The following RBFOX1 variants were observed in gnomAD, a reference collection of about 807,000 sequenced individuals.
RBFOX1 encodes the protein RNA binding fox-1 homolog 1.
Under a neutral mutation model 57.7 loss-of-function variants are expected in RBFOX1, and 8 were observed. The observed-to-expected ratio is 0.14, with a 90% CI of 0.08 to 0.25. RBFOX1 has a LOEUF of 0.25. RBFOX1 is among the 10% of genes least tolerant of loss of function. The pLI, the probability that RBFOX1 is intolerant of heterozygous loss-of-function variation, is 1.00. For missense variants in RBFOX1, 611 were observed against 548.5 expected, an observed-to-expected ratio of 1.11 and a Z score of -1.14; for synonymous variants, 326 against 222.4, an observed-to-expected ratio of 1.47 and a Z score of -4.15.
intron 3 of RBFOX1, among the ~76,000 whole-genome samples, chr16:6,736,064 A>G (rs866233451): frequency 6.1e-5 from 6 of 97,668 alleles, no homozygotes; most frequent in South Asian, 9.2e-4. Context: ...TTTCTGATCT[A>G]TCCAGTATTA....
chr16:6,172,411 C>T (rs970074274), intron 1 of RBFOX1, among the ~76,000 whole-genome samples: 1 of 152,186 alleles, frequency 6.6e-6, no homozygotes, highest in Non-Finnish European at 1.5e-5. Context: ...AGTTCCATCC[C>T]TGTGAGCAAA....
At chr16:5,474,363 C>T (rs911330871) in intron 2 of RBFOX1, among the ~76,000 whole-genome samples, 17 of 152,252 alleles carry the variant, frequency 1.1e-4, no homozygotes, top group South Asian at 6.2e-4. Context: ...TTAAAAAATA[C>T]CCCTGGACGG....
At chr16:7,306,580 C>CGTGT (rs58761346) in intron 4 of RBFOX1, among the ~76,000 whole-genome samples, 14,114 of 148,942 alleles carry the variant, frequency 0.095, 856 homozygotes, top group South Asian at 0.24. Context: ...GAATGGTGTG[C>CGTGT]GTGTGTGTGT....
chr16:6,867,923 A>G (rs185633561), intron 3 of RBFOX1, among the ~76,000 whole-genome samples: 3 of 152,286 alleles, frequency 2.0e-5, no homozygotes, highest in East Asian at 1.9e-4. Context: ...AATCAAATAT[A>G]GAAGCCAAGC....
chr16:6,572,639 C>T (rs575595642), intron 2 of RBFOX1, among the ~76,000 whole-genome samples: 1 of 151,956 alleles, frequency 6.6e-6, no homozygotes, highest in Non-Finnish European at 1.5e-5. Flanking sequence ...GTCACCCAGG[C>T]TGGAGTGCAG....
At chr16:7,464,742 G>A (rs2060196828) in intron 4 of RBFOX1, among the ~76,000 whole-genome samples, 1 of 119,276 alleles carries the variant, frequency 8.4e-6, no homozygotes. Flanking sequence ...TGTCGCCCAG[G>A]CTGGAGTGCA....
chr16:6,971,183 C>G (rs867726143), intron 3 of RBFOX1, among the ~76,000 whole-genome samples: 4 of 152,104 alleles, frequency 2.6e-5, no homozygotes, highest in Non-Finnish European at 5.9e-5. Flanking sequence ...GAAAAAGTAT[C>G]CGCTATACAG....
chr16:6,929,109 C>A (rs1345017157), intron 3 of RBFOX1, among the ~76,000 whole-genome samples: 2 of 152,122 alleles, frequency 1.3e-5, no homozygotes, highest in Non-Finnish European at 2.9e-5. Flanking sequence ...TTCACAGGCC[C>A]ACATTGCAAC....
At chr16:6,102,764 A>G (rs961739867) in intron 1 of RBFOX1, among the ~76,000 whole-genome samples, 1 of 152,150 alleles carries the variant, frequency 6.6e-6, no homozygotes, top group African/African-American at 2.4e-5. Flanking sequence ...CAGCTGTTAA[A>G]CTGTGTCTCG....
chr16:7,413,225 C>G (rs777673767), intron 4 of RBFOX1, among the ~76,000 whole-genome samples: 10 of 152,140 alleles, frequency 6.6e-5, no homozygotes, highest in Non-Finnish European at 8.8e-5. Context: ...CTTGACATCA[C>G]TACCCAGAAG....
At chr16:5,956,987 G>T (rs1272136482) in intron 4 of RBFOX1, among the ~76,000 whole-genome samples, 1 of 152,008 alleles carries the variant, frequency 6.6e-6, no homozygotes, top group African/African-American at 2.4e-5. Context: ...TTTGTAAAAT[G>T]AGTTTTAAGT....
intron 4 of RBFOX1, among the ~76,000 whole-genome samples, chr16:5,908,289 C>G (rs138750010): frequency 1.3e-5 from 1 of 74,870 alleles, no homozygotes; most frequent in Non-Finnish European, 3.2e-5. Context: ...CATATATATA[C>G]ACATATATAT....
chr16:6,137,365 C>T (rs9940184), intron 1 of RBFOX1, among the ~76,000 whole-genome samples: 6 of 152,192 alleles, frequency 3.9e-5, no homozygotes, highest in South Asian at 2.1e-4. Flanking sequence ...AGTGTAGTGG[C>T]GTGATCCCGG....
At chr16:5,886,883 G>C (rs1269437694) in intron 4 of RBFOX1, among the ~76,000 whole-genome samples, 3 of 152,124 alleles carry the variant, frequency 2.0e-5, no homozygotes, top group African/African-American at 7.2e-5. Flanking sequence ...GTGAGACTCT[G>C]TCTCAAACAA....
Position 6,030,953 on chromosome 16 carries a change from T to A in RBFOX1, c.-127+10961T>A, listed in dbSNP as rs2095279613. ...GTGGGTATATTGACCAATATTGACA[T>A]CATCTCTGCCTAGTGAAACTTATGC... is the stretch of plus-strand genomic sequence containing the variant. On this transcript the variant is annotated intron_variant, in intron 1 of 15. Transcript: ENST00000550418. Among the ~76,000 whole-genome samples, 10 of 152,298 alleles carry A rather than the reference T, an allele frequency of 6.6e-5. No homozygotes were observed. In the Middle Eastern group the frequency reaches 0.021, roughly 313 times the overall value.
At chr16:6,691,457 C>T (rs1481523327) in intron 3 of RBFOX1, among the ~76,000 whole-genome samples, 1 of 116,996 alleles carries the variant, frequency 8.5e-6, no homozygotes, top group Non-Finnish European at 2.1e-5. Flanking sequence ...CCATCTATTC[C>T]TTTTTCTTTA....
At chr16:6,911,481 C>T (rs1406720195) in intron 3 of RBFOX1, among the ~76,000 whole-genome samples, 3 of 152,130 alleles carry the variant, frequency 2.0e-5, no homozygotes, top group Non-Finnish European at 4.4e-5. Flanking sequence ...CTGCCTTCAC[C>T]TGCATGTGTT....
chr16:6,851,609 A>G (rs904105477), intron 3 of RBFOX1, among the ~76,000 whole-genome samples: 2 of 152,190 alleles, frequency 1.3e-5, no homozygotes, highest in African/African-American at 2.4e-5. Context: ...TGTCTTAATT[A>G]TCTTTACATG....
At chr16:5,365,700 C>A in intron 1 of RBFOX1, 1 of 359,062 alleles carries the variant, frequency 2.8e-6, no homozygotes, top group Non-Finnish European at 5.3e-6. Flanking sequence ...AAAGAGCTTT[C>A]CCTGGTGTGA....
Sources: allele counts gnomAD v4.1 joint callset (sites outside exome capture counted in the v4.1 genomes callset), GRCh38; gene constraint gnomAD v4.1.1; transcripts MANE v1.5; gene names NCBI Gene and HGNC (gene_info 2026-07-23, HGNC 2026-07-21).